TMEM120B: variants seen among roughly 807,000 people sequenced by gnomAD.
TMEM120B encodes the protein transmembrane protein 120B.
Under a neutral mutation model 55.5 loss-of-function variants are expected in TMEM120B, and 31 were observed. That is an observed-to-expected ratio of 0.56 (90% CI 0.42 to 0.75). TMEM120B has a LOEUF of 0.75. TMEM120B is among the 30% of genes least tolerant of loss of function. The pLI is 0.00. For synonymous variants in TMEM120B, 203 were observed against 176.3 expected, an observed-to-expected ratio of 1.15 and a Z score of -1.20; for missense variants, 399 against 425.5, an observed-to-expected ratio of 0.94 and a Z score of 0.55.
At chr12:121,736,933 G>C (rs1377464914) in intron 1 of TMEM120B, among the ~76,000 whole-genome samples, 3 of 152,044 alleles carry the variant, frequency 2.0e-5, no homozygotes, top group African/African-American at 7.2e-5. Flanking sequence ...GACTACCTGG[G>C]ACTTGTCTCT....
chr12:121,751,690 G>A lies in TMEM120B; in HGVS notation c.366-438G>A, dbSNP rs939495643. 7.1e-5 allele frequency among the ~76,000 whole-genome samples: 9 copies of A among 127,166 alleles called. No individual in the cohort carries two copies. In the East Asian group the frequency reaches 8.1e-4, roughly 11 times the overall value. The allele number at this position is 127,166 out of a possible 152,430, so 83.4% of individuals were successfully genotyped here. A position where few individuals can be genotyped will look rare whatever the true frequency, so the allele number is the denominator to read the frequency against. On this transcript the variant is annotated intron_variant, in intron 4 of 11. Coordinates refer to ENST00000449592, the MANE Select transcript of TMEM120B (RefSeq NM_001080825.2). ...TCCCTCCCTTCCTCCAAGTCAGTAT[G>A]TTGGGTGGACAGGACTTCCCATTTC...
At position 121,775,059 on chromosome 12, in the gene TMEM120B, C is replaced by T. The variant is rs1874189965; in HGVS notation, c.838-3C>T. On this transcript the variant is annotated splice_region_variant and splice_polypyrimidine_tract_variant and intron_variant, in intron 10 of 11. Transcript: ENST00000449592. The surrounding 1 kb of genome is among the most constrained non-coding windows in gnomAD (Gnocchi z 4.3). The stretch of plus-strand genomic sequence containing the variant: ...GGTGAGCAGCGCCTGCCTTCCTCTC[C>T]AGTTCTGGCAGCTCTACAATGCCGT... 1 of 1,612,730 alleles carries T rather than the reference C, an allele frequency of 6.2e-7. No homozygotes were observed. Among genetic ancestry groups the T allele is most frequent in the South Asian group, 1.1e-5 (1 of 91,026 alleles).
chr12:121,768,527 C>T (rs1873919160), intron 6 of TMEM120B, among the ~76,000 whole-genome samples: 1 of 152,194 alleles, frequency 6.6e-6, no homozygotes, highest in Non-Finnish European at 1.5e-5. Flanking sequence ...AAAGAGAAAG[C>T]ACGTGGGCGT....
intron 5 of TMEM120B, among the ~76,000 whole-genome samples, chr12:121,756,229 G>A (rs1274533242): frequency 2.0e-5 from 3 of 152,152 alleles, no homozygotes; most frequent in Non-Finnish European, 4.4e-5. Flanking sequence ...CGGGTGTGGT[G>A]GTTCATGCCT....
At chr12:121,724,030 C>CTTTTT (rs56972824) in intron 1 of TMEM120B, among the ~76,000 whole-genome samples, 50 of 76,004 alleles carry the variant, frequency 6.6e-4, no homozygotes, top group Non-Finnish European at 8.9e-4. Flanking sequence ...TCAAGTGATC[C>CTTTTT]TTTTTTTTTT....
In TMEM120B at chr12:121,778,736, C is replaced by G. The variant is rs1307011174; in HGVS notation, c.*3014C>G. On this transcript the variant is annotated 3_prime_UTR_variant, in exon 12 of 12. Coordinates refer to ENST00000449592, the MANE Select transcript of TMEM120B (RefSeq NM_001080825.2). Reference sequence around the variant, plus strand: ...GTCCTACCACAGTGGGGGGAACAGTCCACAGAAAACTTGCTCATGACCACA... The same window carrying G: ...GTCCTACCACAGTGGGGGGAACAGTGCACAGAAAACTTGCTCATGACCACA... 6.6e-6 allele frequency: 1 copy of G among 152,228 alleles called. No homozygotes were observed. Among genetic ancestry groups the G allele is most frequent in the Non-Finnish European group, 1.5e-5 (1 of 68,084 alleles). The allele number at this position is 152,228 out of a possible 1,614,324, so 9.4% of individuals were successfully genotyped here. A position where few individuals can be genotyped will look rare whatever the true frequency, so the allele number is the denominator to read the frequency against.
chr12:121,763,040 T>C (rs1359306081), intron 6 of TMEM120B, among the ~76,000 whole-genome samples: 1 of 152,120 alleles, frequency 6.6e-6, no homozygotes, highest in Non-Finnish European at 1.5e-5. Context: ...TTTCCTGCCC[T>C]GCCTGCCTCT....
intron 6 of TMEM120B, among the ~76,000 whole-genome samples, chr12:121,765,727 G>A (rs1175882954): frequency 6.6e-6 from 1 of 152,216 alleles, no homozygotes; most frequent in East Asian, 1.9e-4. Flanking sequence ...AAATCCGAGT[G>A]ACTCATACTT....
chr12:121,722,576 T>C (rs1458217112), intron 1 of TMEM120B, among the ~76,000 whole-genome samples: 1 of 152,202 alleles, frequency 6.6e-6, no homozygotes, highest in Non-Finnish European at 1.5e-5. Context: ...CTGAGCTACC[T>C]GTGTTAACAT....
chr12:121,733,287 C>T (rs1191598688), intron 1 of TMEM120B, among the ~76,000 whole-genome samples: 1 of 152,054 alleles, frequency 6.6e-6, no homozygotes, highest in Non-Finnish European at 1.5e-5. Context: ...CTCTGTTGCC[C>T]AGGCTGGAGT....
At chr12:121,713,352 C>T (rs1894636304) in intron 1 of TMEM120B, among the ~76,000 whole-genome samples, 1 of 152,176 alleles carries the variant, frequency 6.6e-6, no homozygotes, top group South Asian at 2.1e-4. Context: ...CCCCTCCCAT[C>T]TGCTTTTGGT....
intron 3 of TMEM120B, among the ~76,000 whole-genome samples, chr12:121,749,479 C>G (rs574677189): frequency 6.6e-6 from 1 of 152,202 alleles, no homozygotes; most frequent in African/African-American, 2.4e-5. Context: ...CCCAGGAATT[C>G]AAGACCAGCC....
chr12:121,769,415 A>G (rs1873955940), intron 6 of TMEM120B, among the ~76,000 whole-genome samples: 1 of 152,170 alleles, frequency 6.6e-6, no homozygotes, highest in Non-Finnish European at 1.5e-5. Context: ...GTCCTGTGTA[A>G]GAATGTCTGG....
chr12:121,745,668 AG>A (rs1174663178), intron 2 of TMEM120B, among the ~76,000 whole-genome samples: 1 of 150,650 alleles, frequency 6.6e-6, no homozygotes, highest in Non-Finnish European at 1.5e-5. Flanking sequence ...CTGAGATTAC[AG>A]GTGTGAGCCA....
intron 3 of TMEM120B, among the ~76,000 whole-genome samples, chr12:121,749,142 G>T (rs1393592320): frequency 1.3e-5 from 2 of 152,198 alleles, no homozygotes; most frequent in Non-Finnish European, 2.9e-5. Flanking sequence ...TTTCAGGCCT[G>T]TAGCGGGTGG....
chr12:121,759,384 A>G (rs1165669755), intron 5 of TMEM120B, among the ~76,000 whole-genome samples: 1 of 152,048 alleles, frequency 6.6e-6, no homozygotes, highest in African/African-American at 2.4e-5. Context: ...GTGAAAGTAT[A>G]TTAAAAAGCT....
At chr12:121,743,901 T>G (rs1252112323) in intron 2 of TMEM120B, among the ~76,000 whole-genome samples, 154 bp downstream of exon 2, 1 of 152,136 alleles carries the variant, frequency 6.6e-6, no homozygotes, top group Admixed American at 6.6e-5. Flanking sequence ...AAGGGTGTTT[T>G]GGGGCATGTA....
chr12:121,721,316 C>T (rs1894784845), intron 1 of TMEM120B, among the ~76,000 whole-genome samples: 1 of 151,976 alleles, frequency 6.6e-6, no homozygotes, highest in Non-Finnish European at 1.5e-5. Context: ...GTATCTGGGA[C>T]TACAGGCACA....
Position 121,779,552 on chromosome 12 carries a change from G to T in TMEM120B, c.*3830G>T. On this transcript the variant is annotated 3_prime_UTR_variant, in exon 12 of 12. Transcript: ENST00000449592. ...TCTGCCGTTGCGCCTTCTTCAGAGC[G>T]CTGAGAGCCACCTTGGCGGCCTCCC... 2 of 1,613,990 alleles carry T rather than the reference G, an allele frequency of 1.2e-6. No individual in the cohort carries two copies. Among genetic ancestry groups the T allele is most frequent in the Non-Finnish European group, 1.7e-6 (2 of 1,180,042 alleles).
Sources: allele counts gnomAD v4.1 joint callset (sites outside exome capture counted in the v4.1 genomes callset), GRCh38; gene constraint gnomAD v4.1.1; non-coding constraint Gnocchi (gnomAD v3.1); transcripts MANE v1.5; gene names NCBI Gene and HGNC (gene_info 2026-07-23, HGNC 2026-07-21).